The following NMNAT2 variants were observed in gnomAD, a reference collection of about 807,000 sequenced individuals.
The protein encoded by NMNAT2 is nicotinamide/nicotinic acid mononucleotide adenylyltransferase 2.
A neutral mutation model predicts 41.6 loss-of-function variants in NMNAT2; 11 were observed. The observed-to-expected ratio is 0.26, with a 90% CI of 0.17 to 0.44. NMNAT2 has a LOEUF of 0.44. Ranked by LOEUF, NMNAT2 falls within the 20% of genes least tolerant of loss-of-function variation. The pLI, the probability that NMNAT2 is intolerant of heterozygous loss-of-function variation, is 1.00. For missense variants in NMNAT2, 288 were observed against 407.7 expected (o/e 0.71, Z 2.53); for synonymous variants, 148 against 151.2 (o/e 0.98, Z 0.16).
At chr1:183,406,153 A>C (rs1373137962) in intron 1 of NMNAT2, among the ~76,000 whole-genome samples, 1 of 152,232 alleles carries the variant, frequency 6.6e-6, no homozygotes, top group Non-Finnish European at 1.5e-5. Flanking sequence ...AAGACAGCAC[A>C]ATCAGGCCAC....
chr1:183,299,269 G>A (rs1661784159), intron 1 of NMNAT2, among the ~76,000 whole-genome samples: 1 of 152,178 alleles, frequency 6.6e-6, no homozygotes, highest in Non-Finnish European at 1.5e-5. Flanking sequence ...CCAGCTACTT[G>A]GGAGGCTGAG....
chr1:183,308,529 C>T lies in NMNAT2; in HGVS notation c.86-14736G>A, dbSNP rs183727070. On this transcript the variant is annotated intron_variant, in intron 1 of 10. Coordinates refer to ENST00000287713, the MANE Select transcript of NMNAT2 (RefSeq NM_015039.4). ...AAAGATAGTTCACTTCCGCATTATT[C>T]GTAAGAGTAAAAAATCAAGACTAAA... Among the ~76,000 whole-genome samples the T allele has an allele frequency of 8.5e-5, 13 of 152,168 alleles. No individual in the cohort carries two copies. In the East Asian group the frequency reaches 2.3e-3, roughly 27 times the overall value.
chr1:183,362,647 T>C (rs1663330273), intron 1 of NMNAT2, among the ~76,000 whole-genome samples: 1 of 152,210 alleles, frequency 6.6e-6, no homozygotes, highest in Non-Finnish European at 1.5e-5. Flanking sequence ...TATATAGATA[T>C]AGCACAGTTT....
intron 4 of NMNAT2, among the ~76,000 whole-genome samples, chr1:183,289,451 G>A (rs961624941): frequency 1.3e-5 from 2 of 152,192 alleles, no homozygotes; most frequent in South Asian, 2.1e-4. Context: ...TCTGCAGCCC[G>A]GCCACAGGCC....
chr1:183,263,437 T>C (rs1001861055), intron 8 of NMNAT2, among the ~76,000 whole-genome samples: 3 of 152,204 alleles, frequency 2.0e-5, no homozygotes, highest in African/African-American at 7.2e-5. Flanking sequence ...ACTACTTAGA[T>C]ACTGGTTCTC....
chr1:183,279,574 A>G (rs151162118), intron 7 of NMNAT2, among the ~76,000 whole-genome samples: 197 of 152,236 alleles, frequency 1.3e-3, no homozygotes, highest in African/African-American at 2.9e-3. Context: ...CAGGCGAGAG[A>G]CAGAGAAGCT....
At chr1:183,380,483 A>G (rs1482935293) in intron 1 of NMNAT2, among the ~76,000 whole-genome samples, 1 of 152,158 alleles carries the variant, frequency 6.6e-6, no homozygotes, top group Non-Finnish European at 1.5e-5. Flanking sequence ...TTATCCATAT[A>G]AAGGCAATTT....
intron 10 of NMNAT2, among the ~76,000 whole-genome samples, chr1:183,254,831 T>C (rs1468834496): frequency 3.3e-5 from 5 of 152,238 alleles, no homozygotes; most frequent in Non-Finnish European, 5.9e-5. Flanking sequence ...CTATCTGATA[T>C]ATGATTTGAA....
At chr1:183,389,800 GAA>G (rs1265745595) in intron 1 of NMNAT2, among the ~76,000 whole-genome samples, 3 of 62,990 alleles carry the variant, frequency 4.8e-5, no homozygotes, top group African/African-American at 1.6e-4. Context: ...AAGAAAGAAA[GAA>G]AGAAAGAAAG....
At chr1:183,269,371 C>A (rs985442105) in intron 8 of NMNAT2, among the ~76,000 whole-genome samples, 5 of 152,208 alleles carry the variant, frequency 3.3e-5, no homozygotes, top group Admixed American at 6.5e-5. Context: ...GTATTTTAAA[C>A]ACAGGACTTG....
intron 5 of NMNAT2, 109 bp from the exon 6 acceptor site, chr1:183,284,899 C>A: frequency 1.2e-6 from 1 of 857,124 alleles, no homozygotes; most frequent in South Asian, 1.4e-5. Context: ...GGTGCATGGA[C>A]GGGGCAGGAG....
chr1:183,292,173 C>T (rs1440654446), intron 3 of NMNAT2, among the ~76,000 whole-genome samples: 1 of 152,228 alleles, frequency 6.6e-6, no homozygotes, highest in Non-Finnish European at 1.5e-5. Flanking sequence ...CTTTGGGGAA[C>T]ATCATTAGCA....
intron 1 of NMNAT2, among the ~76,000 whole-genome samples, chr1:183,409,675 C>T (rs1043627117): frequency 6.6e-6 from 1 of 152,148 alleles, no homozygotes; most frequent in African/African-American, 2.4e-5. Context: ...AGGATTAGTG[C>T]TAAAAACAAG....
chr1:183,280,714 A>AT (rs930530383), intron 7 of NMNAT2, among the ~76,000 whole-genome samples: 23 of 140,892 alleles, frequency 1.6e-4, no homozygotes, highest in East Asian at 4.3e-4. Context: ...ACATTATGAG[A>AT]TTTTTTTTTG....
intron 8 of NMNAT2, among the ~76,000 whole-genome samples, chr1:183,267,838 G>C (rs930184533): frequency 3.9e-5 from 6 of 152,038 alleles, no homozygotes; most frequent in African/African-American, 1.4e-4. Flanking sequence ...GTCCTGATTG[G>C]TAAATCTCAT....
In NMNAT2 at chr1:183,418,288, G is replaced by T. The variant is rs1325598952; in HGVS notation, c.-21C>A. ...GTCATGGTGCAGATGGGTCCTTCGC[G>T]GTGGTCTAGGGGTTGCCTCTCTTTT... is the stretch of plus-strand genomic sequence containing the variant. On this transcript the variant is annotated 5_prime_UTR_variant, in exon 1 of 11. Coordinates refer to ENST00000287713, the MANE Select transcript of NMNAT2 (RefSeq NM_015039.4). 1 of 1,610,238 alleles carries T rather than the reference G, an allele frequency of 6.2e-7. No homozygotes were observed. The highest frequency in any genetic ancestry group is 1.1e-5 in the South Asian group (1 of 91,002).
chr1:183,346,771 G>A (rs887731123), intron 1 of NMNAT2, among the ~76,000 whole-genome samples: 1 of 152,148 alleles, frequency 6.6e-6, no homozygotes, highest in African/African-American at 2.4e-5. Flanking sequence ...TTCACAGAAC[G>A]AGGTGTTGCC....
At chr1:183,324,605 C>G (rs1041484381) in intron 1 of NMNAT2, among the ~76,000 whole-genome samples, 3 of 152,168 alleles carry the variant, frequency 2.0e-5, no homozygotes, top group African/African-American at 7.2e-5. Context: ...CTTTGAGTTC[C>G]TCTGACACTC....
In NMNAT2 at chr1:183,252,615, T is replaced by C. The variant is rs1558105309; in HGVS notation, c.*26A>G. On this transcript the variant is annotated 3_prime_UTR_variant, in exon 11 of 11. Transcript: ENST00000287713. Reference sequence around the variant, plus strand: ...GGGGCTGACAAAGATGGAGGGGCCATTGTGTTGCCGGAGGACGAGGGGCTG... The same window carrying C: ...GGGGCTGACAAAGATGGAGGGGCCACTGTGTTGCCGGAGGACGAGGGGCTG... The C allele has an allele frequency of 4.0e-6, 6 of 1,487,764 alleles. No homozygotes were observed. The highest frequency in any genetic ancestry group is 5.6e-6 in the Non-Finnish European group (6 of 1,064,612). The allele number at this position is 1,487,764 out of a possible 1,614,324, so 92.2% of individuals were successfully genotyped here. A position where few individuals can be genotyped will look rare whatever the true frequency, so the allele number is the denominator to read the frequency against.
Sources: allele counts gnomAD v4.1 joint callset (sites outside exome capture counted in the v4.1 genomes callset), GRCh38; gene constraint gnomAD v4.1.1; transcripts MANE v1.5; gene names NCBI Gene and HGNC (gene_info 2026-07-23, HGNC 2026-07-21).